The following CADM2 variants were observed in gnomAD, a reference collection of about 807,000 sequenced individuals.
CADM2 encodes cell adhesion molecule 2, also known as immunoglobulin superfamily member 4D.
Under a neutral mutation model 49.8 loss-of-function variants are expected in CADM2, and 12 were observed. That is an observed-to-expected ratio of 0.24 (90% CI 0.15 to 0.39). CADM2 has a LOEUF of 0.39. Among genes scored for constraint, CADM2 ranks in the 10% least tolerant of loss-of-function variants. The pLI is 1.00. For synonymous variants in CADM2, 214 were observed against 175.4 expected (o/e 1.22, Z -1.74); for missense variants, 378 against 492.3 (o/e 0.77, Z 2.20).
intron 8 of CADM2, among the ~76,000 whole-genome samples, chr3:86,048,183 T>A (rs6801296): frequency 0.18 from 27,191 of 151,122 alleles, 2,485 homozygotes; most frequent in South Asian, 0.24. Flanking sequence ...GCATTATGAT[T>A]ATGTTATTTT....
intron 8 of CADM2, among the ~76,000 whole-genome samples, chr3:86,034,529 A>C (rs1384207153): frequency 6.6e-6 from 1 of 152,080 alleles, no homozygotes; most frequent in African/African-American, 2.4e-5. Flanking sequence ...AACCGTGAGA[A>C]ATAAATGTAT....
At chr3:85,114,827 C>T (rs943362434) in intron 1 of CADM2, among the ~76,000 whole-genome samples, 12 of 152,032 alleles carry the variant, frequency 7.9e-5, no homozygotes, top group Non-Finnish European at 5.9e-5. Context: ...GCAATCAGCA[C>T]TTTTTATATG....
At chr3:85,917,626 G>A (rs1339210420) in intron 6 of CADM2, among the ~76,000 whole-genome samples, 13 of 152,210 alleles carry the variant, frequency 8.5e-5, no homozygotes, top group East Asian at 7.7e-4. Context: ...TGTTCTTTTG[G>A]CTTAGGATTG....
At chr3:85,744,640 G>A (rs905576361) in intron 2 of CADM2, among the ~76,000 whole-genome samples, 1 of 152,258 alleles carries the variant, frequency 6.6e-6, no homozygotes, top group Non-Finnish European at 1.5e-5. Context: ...TGAGGCTATT[G>A]GGGGATGAGC....
At chr3:85,770,275 C>A (rs1381265663) in intron 2 of CADM2, among the ~76,000 whole-genome samples, 1 of 152,068 alleles carries the variant, frequency 6.6e-6, no homozygotes, top group Non-Finnish European at 1.5e-5. Flanking sequence ...GCTGTAAAAA[C>A]CACTAAAAAT....
intron 1 of CADM2, among the ~76,000 whole-genome samples, chr3:85,294,307 C>A (rs570529079): frequency 5.3e-5 from 8 of 151,966 alleles, no homozygotes; most frequent in East Asian, 1.9e-4. Context: ...AACAAATGGA[C>A]GAACATTCTA....
intron 1 of CADM2, among the ~76,000 whole-genome samples, chr3:85,400,568 C>T (rs1256973482): frequency 6.6e-6 from 1 of 152,106 alleles, no homozygotes; most frequent in Non-Finnish European, 1.5e-5. Flanking sequence ...GGCTGTGAAT[C>T]CATCTGGTCC....
At chr3:85,226,169 T>G (rs980461358) in intron 1 of CADM2, among the ~76,000 whole-genome samples, 6 of 152,156 alleles carry the variant, frequency 3.9e-5, no homozygotes, top group African/African-American at 1.2e-4. Flanking sequence ...TTTCTGTTAA[T>G]TGGAATAGTT....
chr3:85,780,745 A>G (rs2070595966), intron 2 of CADM2, among the ~76,000 whole-genome samples: 2 of 152,134 alleles, frequency 1.3e-5, no homozygotes, highest in Non-Finnish European at 2.9e-5. Flanking sequence ...GCCTTTAGAT[A>G]TGTGATTCCC....
At chr3:85,093,833 AGTGTGCT>A (rs1250731955) in intron 1 of CADM2, among the ~76,000 whole-genome samples, 7 of 151,928 alleles carry the variant, frequency 4.6e-5, no homozygotes, top group Admixed American at 2.0e-4. Context: ...GGGGAGGATA[AGTGTGCT>A]GTGTGCTGGG....
At chr3:85,256,491 G>A (rs2042889081) in intron 1 of CADM2, among the ~76,000 whole-genome samples, 1 of 152,052 alleles carries the variant, frequency 6.6e-6, no homozygotes, top group South Asian at 2.1e-4. Flanking sequence ...AGGCCAAAGG[G>A]CGAAGCTAAA....
rs1392575667 is a variant in CADM2, at chr3:85,726,370, A to G, written c.62-152A>G. On this transcript the variant is annotated intron_variant, in intron 1 of 9. Transcript: ENST00000383699. ...CTCATAACACTAACTAAATGTAACA[A>G]TAGTCATTTTGTTTCTTAGGCTGTT... The G allele has an allele frequency of 7.5e-6, 6 of 795,106 alleles. No homozygotes were observed. In the South Asian group the frequency reaches 7.9e-5, roughly 10 times the overall value. 49.3% of individuals were successfully genotyped at this position (795,106 alleles called of 1,614,324 possible). A position where few individuals can be genotyped will look rare whatever the true frequency, so the allele number is the denominator to read the frequency against.
intron 1 of CADM2, among the ~76,000 whole-genome samples, chr3:85,015,132 AAC>A (rs2034195152): frequency 1.3e-5 from 2 of 152,064 alleles, no homozygotes; most frequent in Non-Finnish European, 2.9e-5. Context: ...TGTATATATA[AAC>A]ACATATATGT....
intron 6 of CADM2, among the ~76,000 whole-genome samples, chr3:85,918,070 T>G (rs139585179): frequency 0.016 from 2,418 of 152,230 alleles, 62 homozygotes; most frequent in African/African-American, 0.056. Flanking sequence ...CGATGGGGTT[T>G]TCTAGATATA....
intron 1 of CADM2, among the ~76,000 whole-genome samples, chr3:85,496,599 T>A (rs2107656436): frequency 6.6e-6 from 1 of 152,294 alleles, no homozygotes; most frequent in African/African-American, 2.4e-5. Flanking sequence ...CTCTTTTTAG[T>A]TTTTTGAGAA....
In CADM2 at chr3:85,386,406, A is replaced by G. The variant is rs1576461947; in HGVS notation, c.62-340116A>G. On this transcript the variant is annotated intron_variant, in intron 1 of 9. Transcript: ENST00000383699. Reference sequence around the variant, plus strand: ...AATTGGGTGGGGAGAACAACTAGATAGGGCAACTGAGCAAGCTAAGAAATT... The same window carrying G: ...AATTGGGTGGGGAGAACAACTAGATGGGGCAACTGAGCAAGCTAAGAAATT... 2.0e-5 allele frequency among the ~76,000 whole-genome samples: 3 copies of G among 152,160 alleles called. No homozygotes were observed. In the South Asian group the frequency reaches 6.2e-4, roughly 32 times the overall value.
chr3:85,908,859 G>T (rs936877969), intron 5 of CADM2, among the ~76,000 whole-genome samples: 5 of 151,880 alleles, frequency 3.3e-5, no homozygotes, highest in African/African-American at 4.8e-5. Context: ...TGAGTAGCTG[G>T]GACTACAGGC....
intron 1 of CADM2, among the ~76,000 whole-genome samples, chr3:85,187,389 C>A (rs2041089665): frequency 6.6e-6 from 1 of 151,942 alleles, no homozygotes. Flanking sequence ...GTTTTATATT[C>A]TTGCGAGTCC....
At chr3:85,410,866 A>G (rs1021706407) in intron 1 of CADM2, among the ~76,000 whole-genome samples, 1 of 152,152 alleles carries the variant, frequency 6.6e-6, no homozygotes, top group African/African-American at 2.4e-5. Context: ...AAGAGGCACA[A>G]CCACAATGGA....
Sources: allele counts gnomAD v4.1 joint callset (sites outside exome capture counted in the v4.1 genomes callset), GRCh38; gene constraint gnomAD v4.1.1; transcripts MANE v1.5; gene names NCBI Gene and HGNC (gene_info 2026-07-23, HGNC 2026-07-21).